Variants in TWIST2 observed in about 807,000 individuals in gnomAD.
The protein encoded by TWIST2 is twist family bHLH transcription factor 2, also known as twist-related protein 2.
In TWIST2, 1 loss-of-function variant was observed where a neutral mutation model predicts 11.6. The observed-to-expected ratio is 0.09, with a 90% CI of 0.03 to 0.41. TWIST2 has a LOEUF of 0.41. Among genes scored for constraint, TWIST2 ranks in the 10% least tolerant of loss-of-function variants. TWIST2 has a pLI of 0.98. For synonymous variants in TWIST2, 87 were observed against 96.6 expected (o/e 0.90, Z 0.58); for missense variants, 168 against 226.4 (o/e 0.74, Z 1.66).
intron 1 of TWIST2, among the ~76,000 whole-genome samples, chr2:238,897,128 C>T (rs1029981271): frequency 0.014 from 2,073 of 152,328 alleles, 43 homozygotes; most frequent in African/African-American, 0.046. Flanking sequence ...CATCGTCCCA[C>T]AGAAATATTC....
chr2:238,868,855 G>A (rs1337587028), intron 1 of TWIST2, among the ~76,000 whole-genome samples: 1 of 152,236 alleles, frequency 6.6e-6, no homozygotes, highest in Non-Finnish European at 1.5e-5. Context: ...CGGTGCAGGG[G>A]CTTGTGTCCA....
At chr2:238,893,958 C>T (rs995953685) in intron 1 of TWIST2, among the ~76,000 whole-genome samples, 1 of 152,072 alleles carries the variant, frequency 6.6e-6, no homozygotes, top group Non-Finnish European at 1.5e-5. Flanking sequence ...TCTCCCCGGC[C>T]TTGCCTCTCC....
chr2:238,859,161 G>A lies in TWIST2; in HGVS notation c.*35+10428G>A, dbSNP rs544222065. 2.0e-5 allele frequency among the ~76,000 whole-genome samples: 3 copies of A among 149,450 alleles called. No individual in the cohort carries two copies. The South Asian group carries it at 6.3e-4, about 31-fold the overall frequency. ...TGGGAGGCAGAGGTTGAAGTGAGCC[G>A]AGATTGCACCACTGCACTCCAGCCT... On this transcript the variant is annotated intron_variant, in intron 1 of 1. Transcript: ENST00000612363.
chr2:238,905,721 C>A (rs1276821068), intron 1 of TWIST2, among the ~76,000 whole-genome samples: 3 of 152,114 alleles, frequency 2.0e-5, no homozygotes, highest in Non-Finnish European at 4.4e-5. Context: ...CTCTACCCAC[C>A]CCCCCTTATT....
intron 1 of TWIST2, among the ~76,000 whole-genome samples, chr2:238,870,869 A>G (rs1692676015): frequency 1.7e-5 from 1 of 58,952 alleles, no homozygotes; most frequent in Admixed American, 1.9e-4. Flanking sequence ...TACCCCACAC[A>G]CACCACACAC....
chr2:238,850,878 G>T (rs977010033), intron 1 of TWIST2, among the ~76,000 whole-genome samples: 1 of 152,130 alleles, frequency 6.6e-6, no homozygotes, highest in African/African-American at 2.4e-5. Context: ...GAAGAGAAAA[G>T]AAATATGGAA....
At chr2:238,909,428 C>T (rs1002990733) in intron 1 of TWIST2, among the ~76,000 whole-genome samples, 4 of 152,148 alleles carry the variant, frequency 2.6e-5, no homozygotes, top group African/African-American at 9.7e-5. Context: ...CGAAACCCCA[C>T]AGCTCCCTCG....
chr2:238,874,157 A>G (rs1469512268), intron 1 of TWIST2, among the ~76,000 whole-genome samples: 2 of 152,018 alleles, frequency 1.3e-5, no homozygotes, highest in Non-Finnish European at 2.9e-5. Context: ...AGAGGACCAC[A>G]CTCTCCTGAG....
chr2:238,883,692 TGA>T (rs1692980731), intron 1 of TWIST2, among the ~76,000 whole-genome samples: 4 of 152,044 alleles, frequency 2.6e-5, no homozygotes, highest in Non-Finnish European at 5.9e-5. Flanking sequence ...CGGAGGGAGT[TGA>T]GTAAGAAGAA....
At chr2:238,884,445 C>T (rs187115225) in intron 1 of TWIST2, among the ~76,000 whole-genome samples, 51 of 152,334 alleles carry the variant, frequency 3.3e-4, no homozygotes, top group Admixed American at 8.5e-4. Flanking sequence ...GGCTCTTCTC[C>T]GTGTAGGGCT....
At chr2:238,870,123 C>G (rs1378383605) in intron 1 of TWIST2, among the ~76,000 whole-genome samples, 1 of 35,270 alleles carries the variant, frequency 2.8e-5, no homozygotes. Context: ...CCATACACCC[C>G]CCACACACAC....
chr2:238,867,741 G>T lies in TWIST2; in HGVS notation c.*35+19008G>T, dbSNP rs534439902. Among the ~76,000 whole-genome samples the T allele has an allele frequency of 5.3e-5, 8 of 152,284 alleles. No homozygotes were observed. The highest frequency in any genetic ancestry group is 1.2e-4 in the Non-Finnish European group (8 of 68,030). ...TGCCCTGAAACTAGAAACTGAAAAGGCAGTCACATCCTCATCAGAAAGAAA... is the reference window on the plus strand; with the variant it reads ...TGCCCTGAAACTAGAAACTGAAAAGTCAGTCACATCCTCATCAGAAAGAAA... On this transcript the variant is annotated intron_variant, in intron 1 of 1. Coordinates refer to ENST00000612363, the MANE Select transcript of TWIST2 (RefSeq NM_001271893.4). The surrounding 1 kb of genome is among the most constrained non-coding windows in gnomAD (Gnocchi z 4.8).
rs1692561334 is a variant in TWIST2, at chr2:238,867,389, A to ACACACACACACG, written c.*35+18667_*35+18668insGCACACACACAC. On this transcript the variant is annotated intron_variant, in intron 1 of 1. Transcript: ENST00000612363. The surrounding 1 kb of genome is among the most constrained non-coding windows in gnomAD (Gnocchi z 4.8). The stretch of plus-strand genomic sequence containing the variant: ...GCCTTCAACACACACACACACACAC[A>ACACACACACACG]CACACACACACACACACACACACTC... Among the ~76,000 whole-genome samples, 1 of 150,696 alleles carries ACACACACACACG rather than the reference A, an allele frequency of 6.6e-6. No homozygotes were observed. The highest frequency in any genetic ancestry group is 1.5e-5 in the Non-Finnish European group (1 of 67,584).
At chr2:238,857,431 C>T (rs1339864616) in intron 1 of TWIST2, among the ~76,000 whole-genome samples, 4 of 152,132 alleles carry the variant, frequency 2.6e-5, no homozygotes, top group African/African-American at 7.2e-5. Flanking sequence ...GATTTAATAG[C>T]GATAGATCTA....
intron 1 of TWIST2, among the ~76,000 whole-genome samples, chr2:238,883,925 C>T (rs1214725138): frequency 4.6e-5 from 7 of 152,154 alleles, no homozygotes; most frequent in Non-Finnish European, 8.8e-5. Context: ...AAGCCGGAGT[C>T]GTGAGCCGCG....
At chr2:238,848,928 A>C (rs1014742228) in intron 1 of TWIST2, among the ~76,000 whole-genome samples, 195 bp downstream of exon 1, 1 of 152,030 alleles carries the variant, frequency 6.6e-6, no homozygotes, top group Non-Finnish European at 1.5e-5. Context: ...CCCTGAGTGC[A>C]GACTTCCACG....
chr2:238,908,125 CAT>C (rs1453890536), intron 1 of TWIST2, among the ~76,000 whole-genome samples: 13 of 150,684 alleles, frequency 8.6e-5, no homozygotes, highest in Non-Finnish European at 1.6e-4. Context: ...TACACATACA[CAT>C]AGATACCATA....
intron 1 of TWIST2, among the ~76,000 whole-genome samples, chr2:238,908,793 T>G (rs1038085929): frequency 2.0e-5 from 3 of 149,634 alleles, no homozygotes; most frequent in African/African-American, 7.4e-5. Flanking sequence ...GTATGGACAG[T>G]GGGATGCGTG....
chr2:238,905,938 TGTGTGC>T lies in TWIST2; in HGVS notation c.*36-3902_*36-3897del, dbSNP rs1327867420. Among the ~76,000 whole-genome samples, 680 of 142,696 alleles carry T rather than the reference TGTGTGC, an allele frequency of 4.8e-3. 4 individuals are homozygous for T. The highest frequency in any genetic ancestry group is 0.018 in the African/African-American group (636 of 35,578). The allele number at this position is 142,696 out of a possible 152,430, so 93.6% of individuals were successfully genotyped here. A position where few individuals can be genotyped will look rare whatever the true frequency, so the allele number is the denominator to read the frequency against. ...GCGTGCAGGTGTGCGTGTGCGCGTG[TGTGTGC>T]GCGCGCGTGTGTACGTGTGCGTGTG... On this transcript the variant is annotated intron_variant, in intron 1 of 1. Transcript: ENST00000612363.
Sources: allele counts gnomAD v4.1 joint callset (sites outside exome capture counted in the v4.1 genomes callset), GRCh38; gene constraint gnomAD v4.1.1; non-coding constraint Gnocchi (gnomAD v3.1); transcripts MANE v1.5; gene names NCBI Gene and HGNC (gene_info 2026-07-23, HGNC 2026-07-21).